TENM3: variants seen among roughly 807,000 people sequenced by gnomAD.
The protein encoded by TENM3 is teneurin transmembrane protein 3.
A neutral mutation model predicts 255.1 loss-of-function variants in TENM3; 63 were observed. The ratio of observed to expected loss-of-function variants is 0.25; its 90% CI spans 0.20 to 0.30. The LOEUF (loss-of-function observed/expected upper bound fraction) is 0.30, where lower values mean the gene tolerates loss of function less well. Ranked by LOEUF, TENM3 falls within the 10% of genes least tolerant of loss-of-function variation. The probability of loss-of-function intolerance (pLI) is 1.00; values close to 1 mark genes in which losing one functional copy is unlikely to be tolerated. For synonymous variants in TENM3, 1,306 were observed against 1,322.3 expected, an observed-to-expected ratio of 0.99 and a Z score of 0.27; for missense variants, 2,929 against 3,461.1, an observed-to-expected ratio of 0.85 and a Z score of 3.86.
the TENM3 span, among the ~76,000 whole-genome samples, chr4:182,016,913 T>A: frequency 6.6e-6 from 1 of 152,218 alleles, no homozygotes; most frequent in Admixed American, 6.5e-5. Context: ...CAAAATAATT[T>A]AAAATGTAAA....
intron 3 of TENM3, among the ~76,000 whole-genome samples, chr4:182,533,919 A>G (rs76293383): frequency 6.6e-6 from 1 of 152,130 alleles, no homozygotes; most frequent in African/African-American, 2.4e-5. Flanking sequence ...CAAAAAAAAA[A>G]GATTGTCTTT....
chr4:182,770,000 G>T (rs1764055069), intron 22 of TENM3, among the ~76,000 whole-genome samples: 1 of 151,698 alleles, frequency 6.6e-6, no homozygotes, highest in South Asian at 2.1e-4. Context: ...TAGCTACTCA[G>T]GAGGCTGAGG....
At chr4:181,969,675 T>C in the TENM3 span, among the ~76,000 whole-genome samples, 1 of 152,232 alleles carries the variant, frequency 6.6e-6, no homozygotes, top group African/African-American at 2.4e-5. Context: ...CATCAGTGTT[T>C]GACAGCAAAG....
chr4:181,538,333 T>C, the TENM3 span, among the ~76,000 whole-genome samples: 1 of 152,154 alleles, frequency 6.6e-6, no homozygotes, highest in Non-Finnish European at 1.5e-5. Context: ...ATTTATTTAA[T>C]TAAACATTCA....
At chr4:181,572,298 G>GA in the TENM3 span, among the ~76,000 whole-genome samples, 5 of 152,102 alleles carry the variant, frequency 3.3e-5, no homozygotes, top group Non-Finnish European at 7.4e-5. Flanking sequence ...GGCTCAGGGA[G>GA]AAAATCCCAA....
chr4:182,753,495 C>T lies in TENM3; in HGVS notation c.3908C>T (p.Thr1303Ile), dbSNP rs1219814567. ...GGATTAATCTACTTTGTTGATGGAA[C>T]CATGATTAGGAAAGTTGACCAAAAT... ...KNGLIYFVDG[T>I]MIRKVDQNGI... is the part of the protein sequence containing the mutation. Residue 1303 changes from threonine (T) to isoleucine (I), a missense_variant, in exon 21 of 28, where the codon ACC becomes ATC. Physicochemically the swap from Thr to Ile is moderately conservative, Grantham distance 89. Around this residue, in one of 6 missense-constraint regions of TENM3, gnomAD observed 1,608 missense variants for 1,884.4 expected, o/e 0.85. Transcript: ENST00000511685. 2 of 1,613,776 alleles carry T rather than the reference C, an allele frequency of 1.2e-6. No individual in the cohort carries two copies. The highest frequency in any genetic ancestry group is 1.7e-5 in the Admixed American group (1 of 60,024).
chr4:182,740,794 A>T (rs1761542851), intron 18 of TENM3, among the ~76,000 whole-genome samples: 1 of 152,238 alleles, frequency 6.6e-6, no homozygotes, highest in Admixed American at 6.5e-5. Context: ...CCAGAATAAC[A>T]TATGGGTAAC....
chr4:181,976,106 A>C, the TENM3 span: 1 of 152,188 alleles, frequency 6.6e-6, no homozygotes, highest in African/African-American at 2.4e-5. Context: ...GCCTACCCTA[A>C]TGACCTCATT....
chr4:182,520,608 G>A (rs1738473070), intron 3 of TENM3, among the ~76,000 whole-genome samples: 1 of 152,158 alleles, frequency 6.6e-6, no homozygotes, highest in Non-Finnish European at 1.5e-5. Context: ...GTATGAGCTG[G>A]CACAACAGCT....
Position 182,690,841 on chromosome 4 carries a change from T to G in TENM3, c.2221+2490T>G, listed in dbSNP as rs542516330. On this transcript the variant is annotated intron_variant, in intron 12 of 27. Transcript: ENST00000511685. ...TAGCAGTGGGTCTTTGTATTATAAT[T>G]TAATAAACCCTGCAATAGTTCTTAA... Among the ~76,000 whole-genome samples the G allele has an allele frequency of 3.0e-3, 463 of 152,350 alleles. 7 individuals are homozygous for G. The highest frequency in any genetic ancestry group is 0.027 in the Middle Eastern group (8 of 294).
At chr4:182,432,846 T>A (rs1010577189) in intron 3 of TENM3, among the ~76,000 whole-genome samples, 2 of 8,598 alleles carry the variant, frequency 2.3e-4, no homozygotes, top group Non-Finnish European at 4.8e-4. Flanking sequence ...GGGAATGGAT[T>A]TGGGTGTGTG....
At chr4:182,070,004 A>T in the TENM3 span, among the ~76,000 whole-genome samples, 1 of 152,184 alleles carries the variant, frequency 6.6e-6, no homozygotes, top group African/African-American at 2.4e-5. Context: ...ATTAAATAAG[A>T]GTTTGTAAAG....
chr4:182,793,926 A>T lies in TENM3; in HGVS notation c.7213+41A>T, dbSNP rs1048483112. 1 of 1,510,340 alleles carries T rather than the reference A, an allele frequency of 6.6e-7. No homozygotes were observed. Among genetic ancestry groups the T allele is most frequent in the Non-Finnish European group, 8.9e-7 (1 of 1,121,740 alleles). The allele number at this position is 1,510,340 out of a possible 1,614,324, so 93.6% of individuals were successfully genotyped here. On this transcript the variant is annotated intron_variant, in intron 26 of 27. Transcript: ENST00000511685. This position sits in a 1 kb window ranked among gnomAD's most constrained non-coding sequence, Gnocchi z 5.7. ...CCTTCCCAAGAGCTGGAGGACTACC[A>T]TCATTAGATTAATACACAAAATAAC...
chr4:182,203,014 G>A (rs899890477), intron 1 of TENM3, among the ~76,000 whole-genome samples: 1 of 151,964 alleles, frequency 6.6e-6, no homozygotes, highest in Non-Finnish European at 1.5e-5. Context: ...TCAGGAGTTC[G>A]AGACCAGCCT....
intron 3 of TENM3, among the ~76,000 whole-genome samples, chr4:182,589,798 C>T (rs539625408): frequency 4.8e-4 from 73 of 152,026 alleles, no homozygotes; most frequent in African/African-American, 1.6e-3. Flanking sequence ...CATGGTGAAA[C>T]CCCATCTCTA....
chr4:181,956,522 T>C, the TENM3 span, among the ~76,000 whole-genome samples: 7 of 152,150 alleles, frequency 4.6e-5, no homozygotes, highest in Non-Finnish European at 1.0e-4. Flanking sequence ...ATGCAGCACA[T>C]AGTAGGTATT....
intron 3 of TENM3, among the ~76,000 whole-genome samples, chr4:182,597,639 A>G (rs542758580): frequency 2.6e-5 from 4 of 152,314 alleles, no homozygotes; most frequent in South Asian, 4.1e-4. Flanking sequence ...TTTGTCCACT[A>G]ACCTTAAATC....
the TENM3 span, among the ~76,000 whole-genome samples, chr4:181,693,813 C>T: frequency 6.6e-6 from 1 of 152,090 alleles, no homozygotes; most frequent in African/African-American, 2.4e-5. Flanking sequence ...ATAAGAATAG[C>T]CTTGCATGTA....
At chr4:182,257,950 G>C (rs1163612571) in intron 1 of TENM3, among the ~76,000 whole-genome samples, 3 of 151,924 alleles carry the variant, frequency 2.0e-5, no homozygotes, top group Non-Finnish European at 4.4e-5. Context: ...CTATTTTGTT[G>C]TTTTTACTCT....
Sources: gnomAD v4.1 joint callset for allele counts (sites outside exome capture counted in the v4.1 genomes callset) on GRCh38, gnomAD v4.1.1 for gene constraint, gnomAD v4.1.1 regional missense constraint, Gnocchi (gnomAD v3.1) non-coding constraint, MANE v1.5 for transcripts, NCBI Gene and HGNC (gene_info 2026-07-23, HGNC 2026-07-21) for gene names.